SLC2A14: variants seen among roughly 807,000 people sequenced by gnomAD.
SLC2A14 encodes solute carrier family 2, facilitated glucose transporter member 14.
SLC2A14 carries 13 observed loss-of-function variants against 43.0 expected under a neutral mutation model. That is an observed-to-expected ratio of 0.30 (90% CI 0.20 to 0.48). The LOEUF is 0.48. Among genes scored for constraint, SLC2A14 ranks in the 20% least tolerant of loss-of-function variants. The pLI, the probability that SLC2A14 is intolerant of heterozygous loss-of-function variation, is 0.99. For synonymous variants in SLC2A14, 190 were observed against 233.8 expected, an observed-to-expected ratio of 0.81 and a Z score of 1.71; for missense variants, 428 against 620.4, an observed-to-expected ratio of 0.69 and a Z score of 3.29.
intron 1 of SLC2A14, among the ~76,000 whole-genome samples, chr12:7,879,315 A>AAAAG (rs1565587732): frequency 4.0e-5 from 2 of 49,436 alleles, no homozygotes. Flanking sequence ...CTCTGCAAAA[A>AAAAG]AAAACAAACA....
chr12:7,862,946 G>C (rs189335371), intron 2 of SLC2A14, among the ~76,000 whole-genome samples: 2 of 152,016 alleles, frequency 1.3e-5, no homozygotes, highest in African/African-American at 4.8e-5. Flanking sequence ...CAGGCCACTC[G>C]GCTCTACCAA....
At chr12:7,850,194 G>T (rs1235697656) in intron 2 of SLC2A14, among the ~76,000 whole-genome samples, 1 of 152,094 alleles carries the variant, frequency 6.6e-6, no homozygotes, top group Non-Finnish European at 1.5e-5. Flanking sequence ...GGAATGGCCT[G>T]GGCACATGTC....
At chr12:7,873,297 C>A (rs1224772777), upstream of SLC2A14, 4 of 985,470 alleles carry the variant, frequency 4.1e-6, no homozygotes, top group African/African-American at 7.0e-5. Context: ...CCCGGGCTAT[C>A]CCCGCGGGCG....
rs1004579034 is a variant in SLC2A14 at position 7,851,463 on chromosome 12, G to A, written c.18+18400C>T. Among the ~76,000 whole-genome samples the A allele has an allele frequency of 3.9e-5, 6 of 152,212 alleles. No homozygotes were observed. The South Asian group carries it at 6.2e-4, about 16-fold the overall frequency. ...TTTTTGGAGCCTTTCCCTGGTTCAT[G>A]TTTGGGTCTGGAACATATAGACATA... On this transcript the variant is annotated intron_variant, in intron 2 of 10. Transcript: ENST00000431042.
At chr12:7,857,121 G>A (rs757059434) in intron 2 of SLC2A14, among the ~76,000 whole-genome samples, 12 of 152,046 alleles carry the variant, frequency 7.9e-5, no homozygotes, top group African/African-American at 1.7e-4. Flanking sequence ...GTGGTGGCAC[G>A]TGCCTGTAGT....
At chr12:7,847,796 A>G (rs1031969829) in intron 2 of SLC2A14, among the ~76,000 whole-genome samples, 1 of 152,176 alleles carries the variant, frequency 6.6e-6, no homozygotes, top group Non-Finnish European at 1.5e-5. Flanking sequence ...CAGAAACAAA[A>G]GGGTGCAGAA....
intron 2 of SLC2A14, among the ~76,000 whole-genome samples, chr12:7,845,653 CCT>C (rs1465510029): frequency 6.6e-6 from 1 of 151,836 alleles, no homozygotes; most frequent in Non-Finnish European, 1.5e-5. Context: ...GTGGCAGGCG[CCT>C]GTAGTCCCAG....
At chr12:7,853,429 C>CAA (rs35414391) in intron 2 of SLC2A14, among the ~76,000 whole-genome samples, 3,741 of 83,892 alleles carry the variant, frequency 0.045, 126 homozygotes, top group African/African-American at 0.062. Flanking sequence ...GACTCCATTT[C>CAA]AAAAAAAAAA....
At chr12:7,822,064 T>C (rs1280707683) in intron 7 of SLC2A14, among the ~76,000 whole-genome samples, 2 of 151,870 alleles carry the variant, frequency 1.3e-5, no homozygotes, top group African/African-American at 4.8e-5. Flanking sequence ...GACCTCATGA[T>C]CCGCCCGCCT....
At chr12:7,832,908 C>G in intron 2 of SLC2A14, 94 bp from the exon 3 acceptor site, 4 of 1,254,296 alleles carry the variant, frequency 3.2e-6, no homozygotes, top group Non-Finnish European at 4.6e-6. Context: ...TTAGGAGAAT[C>G]TGACCTATGA....
At chr12:7,817,458 C>T (rs1480325208) in intron 10 of SLC2A14, among the ~76,000 whole-genome samples, 1 of 150,882 alleles carries the variant, frequency 6.6e-6, no homozygotes, top group Non-Finnish European at 1.5e-5. Flanking sequence ...TGTCAGCCTA[C>T]GTAGGCTGGT....
chr12:7,888,566 G>A (rs922897654), intron 1 of SLC2A14, among the ~76,000 whole-genome samples: 1 of 151,958 alleles, frequency 6.6e-6, no homozygotes, highest in Non-Finnish European at 1.5e-5. Context: ...TTGGGAGGCC[G>A]AGGTTGGCAG....
chr12:7,817,251 G>C (rs918909004), intron 10 of SLC2A14, among the ~76,000 whole-genome samples: 1 of 152,024 alleles, frequency 6.6e-6, no homozygotes, highest in African/African-American at 2.4e-5. Context: ...AAGTAGTTTG[G>C]ATTACAGGCA....
intron 2 of SLC2A14, chr12:7,863,549 G>A: frequency 2.7e-6 from 1 of 367,184 alleles, no homozygotes; most frequent in South Asian, 2.0e-5. Context: ...ATGAACCCAG[G>A]ACACAGAGGT....
chr12:7,819,011 A>G (rs906096607), intron 9 of SLC2A14, among the ~76,000 whole-genome samples: 2 of 152,128 alleles, frequency 1.3e-5, no homozygotes, highest in East Asian at 3.9e-4. Flanking sequence ...TGAGGTTGGG[A>G]GTTCGAGACC....
chr12:7,874,368 A>C (rs7309951), upstream of SLC2A14, among the ~76,000 whole-genome samples: 1 of 151,978 alleles, frequency 6.6e-6, no homozygotes, highest in Non-Finnish European at 1.5e-5. Context: ...GGCCTTTGCA[A>C]TCAGTATTTT....
At chr12:7,866,688 G>T (rs1592298991) in intron 2 of SLC2A14, among the ~76,000 whole-genome samples, 1 of 152,226 alleles carries the variant, frequency 6.6e-6, no homozygotes, top group South Asian at 2.1e-4. Flanking sequence ...TTTTATGAAG[G>T]CTGAGAAAGG....
intron 2 of SLC2A14, among the ~76,000 whole-genome samples, chr12:7,847,194 G>A (rs1057258066): frequency 3.3e-5 from 5 of 151,940 alleles, no homozygotes; most frequent in African/African-American, 1.2e-4. Context: ...AGAGGTTGCA[G>A]TGACCCAAGA....
chr12:7,874,815 T>TTTATACATAAATAATATATAAATACGTA (rs1945399742), upstream of SLC2A14, among the ~76,000 whole-genome samples: 1 of 80,902 alleles, frequency 1.2e-5, no homozygotes, highest in Admixed American at 1.4e-4. Flanking sequence ...TAAATACGTA[T>TTTATACATAAATAATATATAAATACGTA]TTATATATAA....
Sources: gnomAD v4.1 joint callset for allele counts (sites outside exome capture counted in the v4.1 genomes callset) on GRCh38, gnomAD v4.1.1 for gene constraint, MANE v1.5 for transcripts, NCBI Gene and HGNC (gene_info 2026-07-23, HGNC 2026-07-21) for gene names.